Variants in CENPM observed in about 807,000 individuals in gnomAD.
The protein encoded by CENPM is centromere protein M, also known as interphase centromere complex protein 39.
A neutral mutation model predicts 19.6 loss-of-function variants in CENPM; 14 were observed. The observed-to-expected ratio is 0.71, with a 90% CI of 0.47 to 1.11. The LOEUF is 1.11. CENPM is among the 50% of genes most tolerant of loss of function. The probability of loss-of-function intolerance (pLI) is 0.00; values close to 1 mark genes in which losing one functional copy is unlikely to be tolerated. For synonymous variants in CENPM, 114 were observed against 101.5 expected, an observed-to-expected ratio of 1.12 and a Z score of -0.74; for missense variants, 239 against 228.4, an observed-to-expected ratio of 1.05 and a Z score of -0.30.
rs1421483093 is a variant in CENPM, at chr22:41,947,100, C to T, written c.-24G>A. 6.2e-7 allele frequency: 1 copy of T among 1,610,840 alleles called. No individual in the cohort carries two copies. The highest frequency in any genetic ancestry group is 8.5e-7 in the Non-Finnish European group (1 of 1,178,410). On this transcript the variant is annotated 5_prime_UTR_variant, in exon 1 of 6. Coordinates refer to ENST00000215980, the MANE Select transcript of CENPM (RefSeq NM_024053.5). The stretch of plus-strand genomic sequence containing the variant: ...ATCACAGCCGCAGGACCAACCGTTG[C>T]TCCTGCGGTGCGCGCCGATCTTTCA...
chr22:41,938,981 G>T lies in CENPM; in HGVS notation c.*75C>A. Reference sequence around the variant, plus strand: ...AGCCTGGGCCTGTCAAGCCCTGACTGGACATCCTCAACAGAGAATGTTTAT... The same window carrying T: ...AGCCTGGGCCTGTCAAGCCCTGACTTGACATCCTCAACAGAGAATGTTTAT... On this transcript the variant is annotated 3_prime_UTR_variant, in exon 6 of 6. Coordinates refer to ENST00000215980, the MANE Select transcript of CENPM (RefSeq NM_024053.5). 1 of 1,551,450 alleles carries T rather than the reference G, an allele frequency of 6.4e-7. No homozygotes were observed. The highest frequency in any genetic ancestry group is 1.2e-5 in the South Asian group (1 of 84,138).
chr22:41,941,572 C>T (rs1471501658), intron 5 of CENPM, among the ~76,000 whole-genome samples: 7 of 152,236 alleles, frequency 4.6e-5, no homozygotes, highest in Non-Finnish European at 2.9e-5. Context: ...AGAGATGCTT[C>T]GTGGCAGACA....
At chr22:41,936,935 C>CA (rs200053757), downstream of CENPM, among the ~76,000 whole-genome samples, 664 of 150,244 alleles carry the variant, frequency 4.4e-3, 5 homozygotes, top group African/African-American at 0.016. Context: ...CCCCACCAAC[C>CA]AAAAAAAAAG....
downstream of CENPM, among the ~76,000 whole-genome samples, chr22:41,936,031 C>T (rs774343310): frequency 1.1e-4 from 16 of 152,100 alleles, no homozygotes; most frequent in Admixed American, 3.9e-4. Context: ...GCACCATGCT[C>T]GGCTAATTTT....
the CENPM span, among the ~76,000 whole-genome samples, chr22:41,929,327 G>A: frequency 6.6e-6 from 1 of 152,176 alleles, no homozygotes; most frequent in East Asian, 1.9e-4. Context: ...GCCTGACTGA[G>A]TACCAGGCAG....
rs539730391 is a variant in CENPM at position 41,946,574 on chromosome 22, C to T, written c.58-78G>A. ...GGAGGGCCTGGCCCTTCGACCCACT[C>T]CCGGGGGGATCGGGACACCGCCAGC... On this transcript the variant is annotated intron_variant, in intron 1 of 5. Transcript: ENST00000215980. 6.3e-5 allele frequency: 77 copies of T among 1,226,350 alleles called. No individual in the cohort carries two copies. The East Asian group carries it at 1.2e-3, about 19-fold the overall frequency. The allele number at this position is 1,226,350 out of a possible 1,614,324, so 76.0% of individuals were successfully genotyped here.
chr22:41,946,042 T>A, intron 2 of CENPM, 37 bp from the exon 3 acceptor site: 1 of 1,547,202 alleles, frequency 6.5e-7, no homozygotes, highest in Non-Finnish European at 8.9e-7. Flanking sequence ...AAGATATCCG[T>A]ACCCCCCTCA....
At chr22:41,938,228 G>A (rs780098056), downstream of CENPM, among the ~76,000 whole-genome samples, 12 of 145,118 alleles carry the variant, frequency 8.3e-5, no homozygotes, top group Non-Finnish European at 1.6e-4. Flanking sequence ...CACCACCTCC[G>A]CCTCCCAGGT....
intron 5 of CENPM, among the ~76,000 whole-genome samples, chr22:41,941,836 C>T (rs1050015760): frequency 1.3e-5 from 2 of 152,232 alleles, no homozygotes; most frequent in African/African-American, 4.8e-5. Context: ...AAGTGTGTAT[C>T]ATGATCGATG....
At chr22:41,940,008 C>T in intron 5 of CENPM, 1 of 617,862 alleles carries the variant, frequency 1.6e-6, no homozygotes, top group Non-Finnish European at 3.0e-6. Context: ...CAGGCCACAT[C>T]CCTCCCTGGC....
At chr22:41,934,156 C>T (rs1445228856), downstream of CENPM, among the ~76,000 whole-genome samples, 6 of 152,198 alleles carry the variant, frequency 3.9e-5, no homozygotes, top group South Asian at 2.1e-4. Flanking sequence ...CTCTGCTCAC[C>T]GGGGGTGCAG....
downstream of CENPM, among the ~76,000 whole-genome samples, chr22:41,937,456 C>T (rs553818077): frequency 2.8e-4 from 42 of 152,058 alleles, no homozygotes; most frequent in African/African-American, 8.2e-4. Flanking sequence ...CTGCCATGCC[C>T]GGCTAATTTT....
At chr22:41,944,435 CAA>C (rs139232803) in intron 4 of CENPM, among the ~76,000 whole-genome samples, 14 of 70,250 alleles carry the variant, frequency 2.0e-4, no homozygotes, top group Admixed American at 4.7e-4. Context: ...GACTCCGTCT[CAA>C]AAAAAAAAAA....
chr22:41,945,979 G>C lies in CENPM; in HGVS notation c.164C>G (p.Pro55Arg). ...AATTCGGGGCCGATTCACACTGGAGGGCAAAGGGAGGGACTTTGCCAAGTG... is the reference window on the plus strand; with the variant it reads ...AATTCGGGGCCGATTCACACTGGAGCGCAAAGGGAGGGACTTTGCCAAGTG... ...KVHLAKSLPLPSSVNRPRIDL... is the reference protein window; with the variant it reads ...KVHLAKSLPLRSSVNRPRIDL... Residue 55 changes from proline (P) to arginine (R), a missense_variant, in exon 3 of 6, where the codon CCC becomes CGC. Pro to Arg is a moderately radical substitution (Grantham distance 103). Transcript: ENST00000215980. The C allele has an allele frequency of 6.2e-7, 1 of 1,613,894 alleles. No individual in the cohort carries two copies. Among genetic ancestry groups the C allele is most frequent in the Non-Finnish European group, 8.5e-7 (1 of 1,179,936 alleles).
intron 1 of CENPM, 93 bp downstream of exon 1, chr22:41,946,927 G>A: frequency 7.5e-7 from 1 of 1,332,604 alleles, no homozygotes; most frequent in South Asian, 1.2e-5. Context: ...AGCGCGCGCT[G>A]GCTTGGCGCC....
chr22:41,933,368 T>C, the CENPM span, among the ~76,000 whole-genome samples: 13 of 54,360 alleles, frequency 2.4e-4, no homozygotes, highest in African/African-American at 9.6e-4. Context: ...GGGGTGGGGG[T>C]GGGGGTGAGG....
chr22:41,939,878 AAAAG>A (rs1268180534), intron 5 of CENPM, among the ~76,000 whole-genome samples: 14 of 73,002 alleles, frequency 1.9e-4, no homozygotes, highest in South Asian at 4.5e-4. Flanking sequence ...GAAAGAAAGA[AAAAG>A]AAAGAAAGAA....
chr22:41,943,685 G>A lies in CENPM; in HGVS notation c.327C>T (p.His109=). The change falls in exon 5 of 6, where the codon CAC becomes CAT. Residue 109 remains histidine, a synonymous_variant. Coordinates refer to ENST00000215980, the MANE Select transcript of CENPM (RefSeq NM_024053.5). Reference sequence around the variant, plus strand: ...CCACGGTGTGCCGGTGAATGCTGCAGTGGCTCTCCCGCCCAGCTGGAAAGA... The same window carrying A: ...CCACGGTGTGCCGGTGAATGCTGCAATGGCTCTCCCGCCCAGCTGGAAAGA... ...FLATGAGRES[H]CSIHRHTVVK... is the part of the protein sequence containing the mutation. The A allele has an allele frequency of 6.2e-7, 1 of 1,613,570 alleles. No homozygotes were observed. The highest frequency in any genetic ancestry group is 1.1e-5 in the South Asian group (1 of 90,960).
At chr22:41,941,832 G>A (rs2146608318) in intron 5 of CENPM, among the ~76,000 whole-genome samples, 2 of 152,348 alleles carry the variant, frequency 1.3e-5, no homozygotes. Flanking sequence ...AGTCAAGTGT[G>A]TATCATGATC....
Sources: allele counts gnomAD v4.1 joint callset (sites outside exome capture counted in the v4.1 genomes callset), GRCh38; gene constraint gnomAD v4.1.1; transcripts MANE v1.5; gene names NCBI Gene and HGNC (gene_info 2026-07-23, HGNC 2026-07-21).